Variants in DKK2 observed in about 807,000 individuals in gnomAD.
The protein encoded by DKK2 is dickkopf Wnt signaling pathway inhibitor 2.
Under a neutral mutation model 28.1 loss-of-function variants are expected in DKK2, and 11 were observed. That is an observed-to-expected ratio of 0.39 (90% CI 0.25 to 0.65). The LOEUF is 0.65. DKK2 is among the 30% of genes least tolerant of loss of function. DKK2 has a pLI of 0.47. For synonymous variants in DKK2, 135 were observed against 126.5 expected (o/e 1.07, Z -0.45); for missense variants, 326 against 335.5 (o/e 0.97, Z 0.22).
At chr4:107,031,530 A>G (rs1451457386) in intron 1 of DKK2, among the ~76,000 whole-genome samples, 1 of 152,020 alleles carries the variant, frequency 6.6e-6, no homozygotes, top group Non-Finnish European at 1.5e-5. Context: ...CCAAACCACT[A>G]TCCTTGAAGT....
At chr4:106,928,471 T>C (rs554156659) in intron 1 of DKK2, among the ~76,000 whole-genome samples, 1 of 152,274 alleles carries the variant, frequency 6.6e-6, no homozygotes, top group East Asian at 1.9e-4. Flanking sequence ...TAAAAATAAA[T>C]TTTTTAATAA....
rs796443082 is a variant in DKK2 at position 106,944,776 on chromosome 4, CTT to C, written c.223-18829_223-18828del. ...ACTGTACATTTATAAGTCTATAAGACTTATAGATCTAGCTGTACACTCTAGAG... is the reference window on the plus strand; with the variant it reads ...ACTGTACATTTATAAGTCTATAAGACATAGATCTAGCTGTACACTCTAGAG... On this transcript the variant is annotated intron_variant, in intron 1 of 3. Coordinates refer to ENST00000285311, the MANE Select transcript of DKK2 (RefSeq NM_014421.3). Among the ~76,000 whole-genome samples the C allele has an allele frequency of 5.0e-4, 76 of 152,098 alleles. 1 individual carries two copies. The highest frequency in any genetic ancestry group is 1.7e-3 in the African/African-American group (72 of 41,516).
At chr4:106,975,662 C>T (rs1160641461) in intron 1 of DKK2, among the ~76,000 whole-genome samples, 1 of 151,888 alleles carries the variant, frequency 6.6e-6, no homozygotes, top group African/African-American at 2.4e-5. Context: ...AGCAGTCTGT[C>T]TATTTTGTTA....
At chr4:107,020,649 T>C (rs1723676981) in intron 1 of DKK2, among the ~76,000 whole-genome samples, 1 of 152,120 alleles carries the variant, frequency 6.6e-6, no homozygotes, top group Admixed American at 6.6e-5. Context: ...GATTATTAAA[T>C]ACGTTGTAGA....
At chr4:106,946,524 A>G (rs1724778129) in intron 1 of DKK2, among the ~76,000 whole-genome samples, 1 of 152,048 alleles carries the variant, frequency 6.6e-6, no homozygotes, top group African/African-American at 2.4e-5. Flanking sequence ...TTAAAAAACA[A>G]ACAAACAAAA....
At chr4:107,030,213 T>C (rs1011316095) in intron 1 of DKK2, among the ~76,000 whole-genome samples, 6 of 152,118 alleles carry the variant, frequency 3.9e-5, no homozygotes, top group Non-Finnish European at 8.8e-5. Context: ...GACTGACTTC[T>C]TTGAAAGAAT....
At chr4:106,933,901 A>G (rs1468808434) in intron 1 of DKK2, among the ~76,000 whole-genome samples, 1 of 152,204 alleles carries the variant, frequency 6.6e-6, no homozygotes, top group Non-Finnish European at 1.5e-5. Flanking sequence ...TAAATGTTAT[A>G]CAAGTTTAAG....
chr4:106,937,184 G>A (rs1191259452), intron 1 of DKK2, among the ~76,000 whole-genome samples: 2 of 149,148 alleles, frequency 1.3e-5, no homozygotes, highest in Non-Finnish European at 3.0e-5. Flanking sequence ...ATTGGATAAA[G>A]AGTCAAAACC....
intron 1 of DKK2, among the ~76,000 whole-genome samples, chr4:107,022,200 T>C (rs148467783): frequency 1.3e-5 from 2 of 152,136 alleles, no homozygotes; most frequent in African/African-American, 4.8e-5. Context: ...TCTGGGAACC[T>C]CTTTCAACCT....
intron 1 of DKK2, among the ~76,000 whole-genome samples, chr4:106,956,662 T>G (rs1049770853): frequency 2.0e-5 from 3 of 152,170 alleles, no homozygotes; most frequent in Non-Finnish European, 2.9e-5. Context: ...AAGGATTCCC[T>G]ATTTAATAAA....
intron 1 of DKK2, among the ~76,000 whole-genome samples, chr4:106,999,481 G>A (rs1383173332): frequency 1.3e-5 from 2 of 152,116 alleles, no homozygotes; most frequent in African/African-American, 4.8e-5. Context: ...TACGGAGCTG[G>A]GACTACAGGT....
rs1724486220 is a variant in DKK2 at position 106,930,498 on chromosome 4, T to C, written c.223-4549A>G. Among the ~76,000 whole-genome samples the C allele has an allele frequency of 2.0e-5, 3 of 152,192 alleles. No homozygotes were observed. The South Asian group carries it at 6.2e-4, about 31-fold the overall frequency. ...CAAAATCATTGAATAAACCTTTGAC[T>C]ACAATTAAAACCTTAGTTTAACTCC... On this transcript the variant is annotated intron_variant, in intron 1 of 3. Coordinates refer to ENST00000285311, the MANE Select transcript of DKK2 (RefSeq NM_014421.3).
chr4:106,982,998 A>C (rs1723048333), intron 1 of DKK2, among the ~76,000 whole-genome samples: 1 of 151,540 alleles, frequency 6.6e-6, no homozygotes, highest in Admixed American at 6.6e-5. Context: ...AAGAGAAAAG[A>C]AAAGAAAAAG....
chr4:107,029,897 G>C (rs1723850405), intron 1 of DKK2, among the ~76,000 whole-genome samples: 1 of 151,868 alleles, frequency 6.6e-6, no homozygotes, highest in Non-Finnish European at 1.5e-5. Flanking sequence ...TGACTCTGTG[G>C]AAAAAGATAA....
intron 1 of DKK2, among the ~76,000 whole-genome samples, chr4:106,964,345 G>A (rs757912885): frequency 8.5e-5 from 13 of 152,128 alleles, no homozygotes; most frequent in Non-Finnish European, 1.5e-4. Flanking sequence ...GTGTTTAACA[G>A]AGGCTGAGAA....
intron 1 of DKK2, among the ~76,000 whole-genome samples, chr4:106,939,385 G>A (rs1049481654): frequency 2.0e-5 from 3 of 152,056 alleles, no homozygotes; most frequent in African/African-American, 4.8e-5. Context: ...AAAATACCTA[G>A]GAATCCAACT....
chr4:106,924,406 C>T, intron 3 of DKK2, 139 bp downstream of exon 3: 1 of 1,289,836 alleles, frequency 7.8e-7, no homozygotes, highest in Non-Finnish European at 1.0e-6. Context: ...TTATTTGCCA[C>T]CTAAATAACA....
rs539913996 is a variant in DKK2 at position 106,971,783 on chromosome 4, A to G, written c.223-45834T>C. Among the ~76,000 whole-genome samples, 232 of 152,178 alleles carry G rather than the reference A, an allele frequency of 1.5e-3. 2 individuals are homozygous for G. Among genetic ancestry groups the G allele is most frequent in the South Asian group, 0.011 (55 of 4,828 alleles). ...TCAACAAAAGCCATTGAAAGACTTA[A>G]TCCTCTAAGCTTGGCACCACATCAG... On this transcript the variant is annotated intron_variant, in intron 1 of 3. Transcript: ENST00000285311.
chr4:106,924,361 C>G (rs778116908), intron 3 of DKK2, 157 bp from the exon 4 acceptor site: 2 of 1,252,034 alleles, frequency 1.6e-6, no homozygotes, highest in Non-Finnish European at 2.2e-6. Context: ...TTGGCTCTGC[C>G]TCTTATCACA....
Sources: allele counts gnomAD v4.1 joint callset (sites outside exome capture counted in the v4.1 genomes callset), GRCh38; gene constraint gnomAD v4.1.1; transcripts MANE v1.5; gene names NCBI Gene and HGNC (gene_info 2026-07-23, HGNC 2026-07-21).